SLC1A1: variants seen among roughly 807,000 people sequenced by gnomAD.
SLC1A1 encodes the protein excitatory amino acid transporter 3.
SLC1A1 carries 43 observed loss-of-function variants against 53.3 expected under a neutral mutation model. The ratio of observed to expected loss-of-function variants is 0.81; its 90% CI spans 0.63 to 1.04. The LOEUF (loss-of-function observed/expected upper bound fraction) is 1.04. Ranked by LOEUF, SLC1A1 falls within the 50% of genes least tolerant of loss-of-function variation. The pLI is 0.00. For synonymous variants in SLC1A1, 307 were observed against 243.2 expected (o/e 1.26, Z -2.44); for missense variants, 748 against 664.9 (o/e 1.12, Z -1.37).
At chr9:4,560,103 G>A (rs1402638782) in intron 2 of SLC1A1, 41 of 152,160 alleles carry the variant, frequency 2.7e-4, no homozygotes, top group Admixed American at 2.4e-3. Context: ...CATTACCTGT[G>A]CCCTGGGAAA....
At chr9:4,491,541 G>A (rs931021626) in intron 1 of SLC1A1, among the ~76,000 whole-genome samples, 1 of 152,244 alleles carries the variant, frequency 6.6e-6, no homozygotes, top group Non-Finnish European at 1.5e-5. Context: ...GTGTATTTAA[G>A]TGATCCACCC....
intron 2 of SLC1A1, among the ~76,000 whole-genome samples, chr9:4,550,544 C>T (rs1817840155): frequency 6.6e-6 from 1 of 152,120 alleles, no homozygotes; most frequent in Admixed American, 6.5e-5. Context: ...GTGGCCCACA[C>T]CACCATGCCT....
rs371369996 is a variant in SLC1A1 at position 4,535,119 on chromosome 9, T to C, written c.92-9448T>C. Among the ~76,000 whole-genome samples the C allele has an allele frequency of 6.7e-3, 1,023 of 152,106 alleles. 6 individuals carry two copies. Among genetic ancestry groups the C allele is most frequent in the Middle Eastern group, 0.02 (6 of 294 alleles). ...CAATATCATACTGAATGGGCAAAAA[T>C]TGGAAGCATTCCCTTTGAAAATTGG... is the stretch of plus-strand genomic sequence containing the variant. On this transcript the variant is annotated intron_variant, in intron 1 of 11. Transcript: ENST00000262352.
rs565195935 is a variant in SLC1A1, at chr9:4,575,865, T to G, written c.876-136T>G. On this transcript the variant is annotated intron_variant, in intron 8 of 11. Coordinates refer to ENST00000262352, the MANE Select transcript of SLC1A1 (RefSeq NM_004170.6). ...ATACATGGAATGGGACGTATATTCC[T>G]GCCCTACTCCCATTTCTTATTGGGC... The G allele has an allele frequency of 1.4e-4, 126 of 920,758 alleles. 1 individual carries two copies. In the African/African-American group the frequency reaches 1.7e-3, roughly 13 times the overall value. The allele number at this position is 920,758 out of a possible 1,614,324, so 57.0% of individuals were successfully genotyped here. A position where few individuals can be genotyped will look rare whatever the true frequency, so the allele number is the denominator to read the frequency against.
intron 1 of SLC1A1, among the ~76,000 whole-genome samples, chr9:4,498,998 G>A (rs140861217): frequency 0.038 from 4,755 of 124,262 alleles, 128 homozygotes; most frequent in South Asian, 0.06. Flanking sequence ...TTATATATAA[G>A]ATTATATATT....
At chr9:4,544,740 G>T (rs1434635088) in intron 2 of SLC1A1, 33 bp downstream of exon 2, 1 of 1,574,552 alleles carries the variant, frequency 6.4e-7, no homozygotes, top group Non-Finnish European at 8.7e-7. Context: ...CTCTATATTA[G>T]TCCATTTTCA....
intron 6 of SLC1A1, among the ~76,000 whole-genome samples, chr9:4,571,668 C>G (rs1055090725): frequency 7.0e-6 from 1 of 142,580 alleles, no homozygotes; most frequent in Non-Finnish European, 1.5e-5. Flanking sequence ...CAGAGCGAGA[C>G]TCCATCTCAG....
intron 3 of SLC1A1, 50 bp from the exon 4 acceptor site, chr9:4,564,293 AG>A: frequency 8.0e-7 from 1 of 1,255,818 alleles, no homozygotes; most frequent in Non-Finnish European, 1.2e-6. Flanking sequence ...CAGCTGTGCC[AG>A]GTGCCCTGGA....
intron 1 of SLC1A1, among the ~76,000 whole-genome samples, chr9:4,511,211 AACAG>A (rs1820987204): frequency 6.6e-6 from 1 of 152,198 alleles, no homozygotes; most frequent in South Asian, 2.1e-4. Context: ...GCTTATAAAC[AACAG>A]ACATTTATTT....
chr9:4,531,713 T>G (rs1156939052), intron 1 of SLC1A1, among the ~76,000 whole-genome samples: 1 of 152,126 alleles, frequency 6.6e-6, no homozygotes, highest in African/African-American at 2.4e-5. Context: ...GAATAGTGGT[T>G]CTCCCAGCAC....
At chr9:4,566,588 C>T (rs950846269) in intron 5 of SLC1A1, among the ~76,000 whole-genome samples, 4 of 152,144 alleles carry the variant, frequency 2.6e-5, no homozygotes, top group African/African-American at 9.7e-5. Context: ...AAGCTCACAC[C>T]TGTAATCCCA....
intron 4 of SLC1A1, among the ~76,000 whole-genome samples, 190 bp from the exon 5 acceptor site, chr9:4,565,857 G>A (rs2129715152): frequency 1.3e-5 from 2 of 152,304 alleles, no homozygotes; most frequent in Middle Eastern, 6.8e-3. Context: ...TGATTACAGA[G>A]CTTTCTATAC....
Position 4,583,275 on chromosome 9 carries a change from G to C in SLC1A1, c.1328+103G>C. ...TCATTCTCTCCTCAGATTGCCTAAT[G>C]AGCCACCTGTTGCTGCTTTAATTTT... On this transcript the variant is annotated intron_variant, in intron 11 of 11. Transcript: ENST00000262352. This position sits in a 1 kb window ranked among gnomAD's most constrained non-coding sequence, Gnocchi z 4.6. 2 of 1,429,130 alleles carry C rather than the reference G, an allele frequency of 1.4e-6. No homozygotes were observed. The highest frequency in any genetic ancestry group is 2.0e-6 in the Non-Finnish European group (2 of 1,015,430). 88.5% of individuals were successfully genotyped at this position (1,429,130 alleles called of 1,614,324 possible). A position where few individuals can be genotyped will look rare whatever the true frequency, so the allele number is the denominator to read the frequency against.
intron 1 of SLC1A1, among the ~76,000 whole-genome samples, chr9:4,520,899 A>C (rs546811701): frequency 6.6e-6 from 1 of 152,356 alleles, no homozygotes; most frequent in African/African-American, 2.4e-5. Context: ...AAAAGATTCC[A>C]GTTTCTCCAC....
chr9:4,495,932 T>C (rs1169457810), intron 1 of SLC1A1, among the ~76,000 whole-genome samples: 1 of 151,824 alleles, frequency 6.6e-6, no homozygotes, highest in African/African-American at 2.4e-5. Flanking sequence ...GGTGGACGTG[T>C]TGAGTTTGAG....
rs577092035 is a variant in SLC1A1, at chr9:4,562,673, T to C, written c.325+1132T>C. Among the ~76,000 whole-genome samples the C allele has an allele frequency of 1.1e-3, 160 of 152,166 alleles. 1 individual carries two copies. Among genetic ancestry groups the C allele is most frequent in the Non-Finnish European group, 2.0e-3 (134 of 67,994 alleles). On this transcript the variant is annotated intron_variant, in intron 3 of 11. Transcript: ENST00000262352. ...ATGAGTGAGAATATGTGGTGTTTGG[T>C]TTTTTGTTCTTGCAATAGTTTACTG...
At chr9:4,540,680 A>G (rs1473659798) in intron 1 of SLC1A1, among the ~76,000 whole-genome samples, 1 of 152,150 alleles carries the variant, frequency 6.6e-6, no homozygotes. Context: ...AACGGGTCCA[A>G]GTGAGTGGAG....
chr9:4,529,161 C>T (rs1293208321), intron 1 of SLC1A1, among the ~76,000 whole-genome samples: 4 of 152,178 alleles, frequency 2.6e-5, no homozygotes, highest in Non-Finnish European at 5.9e-5. Flanking sequence ...TCGCACACTG[C>T]TTTCTAATGC....
intron 1 of SLC1A1, among the ~76,000 whole-genome samples, chr9:4,497,358 G>A (rs1563991572): frequency 1.3e-5 from 2 of 152,138 alleles, no homozygotes; most frequent in Admixed American, 1.3e-4. Context: ...TCCCGCTGCT[G>A]TGTGATATTA....
Sources: allele counts gnomAD v4.1 joint callset (sites outside exome capture counted in the v4.1 genomes callset), GRCh38; gene constraint gnomAD v4.1.1; non-coding constraint Gnocchi (gnomAD v3.1); transcripts MANE v1.5; gene names NCBI Gene and HGNC (gene_info 2026-07-23, HGNC 2026-07-21).